The following CDK8 variants were observed in gnomAD, a reference collection of about 807,000 sequenced individuals.
CDK8 encodes the protein cyclin-dependent kinase 8.
A neutral mutation model predicts 71.5 loss-of-function variants in CDK8; 29 were observed. The ratio of observed to expected loss-of-function variants is 0.41; its 90% CI spans 0.30 to 0.55. The LOEUF is 0.55. CDK8 is among the 20% of genes least tolerant of loss of function. The pLI is 0.37. For missense variants in CDK8, 288 were observed against 572.6 expected, an observed-to-expected ratio of 0.50 and a Z score of 5.07; for synonymous variants, 161 against 192.1, an observed-to-expected ratio of 0.84 and a Z score of 1.34.
intron 1 of CDK8, among the ~76,000 whole-genome samples, chr13:26,259,057 C>G (rs1271446174): frequency 6.6e-6 from 1 of 152,182 alleles, no homozygotes. Context: ...CATCCCATTA[C>G]CTTTTTCCCC....
At chr13:26,306,525 T>C (rs1874047132) in intron 1 of CDK8, among the ~76,000 whole-genome samples, 1 of 151,880 alleles carries the variant, frequency 6.6e-6, no homozygotes, top group African/African-American at 2.4e-5. Flanking sequence ...TTAAAAGAAA[T>C]GTTTTGTAAA....
chr13:26,395,660 A>T (rs909786355), intron 7 of CDK8, among the ~76,000 whole-genome samples: 1 of 152,176 alleles, frequency 6.6e-6, no homozygotes, highest in Admixed American at 6.5e-5. Flanking sequence ...TTTTGTACTT[A>T]ACGTATTTAG....
intron 1 of CDK8, among the ~76,000 whole-genome samples, chr13:26,319,401 G>C (rs779978974): frequency 6.6e-6 from 1 of 151,628 alleles, no homozygotes; most frequent in African/African-American, 2.4e-5. Flanking sequence ...CTCGGGAGGC[G>C]GAGGTTGCAG....
At chr13:26,352,481 T>C (rs1024406579) in intron 3 of CDK8, among the ~76,000 whole-genome samples, 1 of 152,068 alleles carries the variant, frequency 6.6e-6, no homozygotes, top group Non-Finnish European at 1.5e-5. Context: ...CTCCCAAAGT[T>C]CTGGGATTAC....
intron 6 of CDK8, among the ~76,000 whole-genome samples, chr13:26,389,340 A>T (rs1016450409): frequency 6.6e-6 from 1 of 151,870 alleles, no homozygotes. Flanking sequence ...TTTTATTTTT[A>T]GTAGAGACAG....
In CDK8 at chr13:26,397,648, A is replaced by G. The variant is rs1490626873; in HGVS notation, c.933+423A>G. On this transcript the variant is annotated intron_variant, in intron 9 of 12. Transcript: ENST00000381527. Reference sequence around the variant, plus strand: ...GTTCTTAATTTCCAAAATACCTCTTATAACCTTAAATGTTAACAGTCATTC... The same window carrying G: ...GTTCTTAATTTCCAAAATACCTCTTGTAACCTTAAATGTTAACAGTCATTC... Among the ~76,000 whole-genome samples, 7 of 152,148 alleles carry G rather than the reference A, an allele frequency of 4.6e-5. No homozygotes were observed. The East Asian group carries it at 9.6e-4, about 21-fold the overall frequency.
At chr13:26,265,975 G>A (rs912001982) in intron 1 of CDK8, among the ~76,000 whole-genome samples, 11 of 152,164 alleles carry the variant, frequency 7.2e-5, no homozygotes, top group Admixed American at 2.0e-4. Flanking sequence ...AGAGATGCTA[G>A]TGACTTGAAT....
At chr13:26,393,796 C>T (rs566909499) in intron 7 of CDK8, among the ~76,000 whole-genome samples, 13 of 152,102 alleles carry the variant, frequency 8.5e-5, no homozygotes, top group African/African-American at 2.9e-4. Context: ...AAAATATGTT[C>T]AATATCTGTA....
intron 9 of CDK8, 80 bp downstream of exon 9, chr13:26,397,305 T>C: frequency 1.2e-6 from 1 of 826,960 alleles, no homozygotes. Flanking sequence ...TTGGATCAAT[T>C]TATGTGGTTA....
intron 4 of CDK8, among the ~76,000 whole-genome samples, chr13:26,373,715 A>G (rs1203948485): frequency 6.6e-6 from 1 of 152,218 alleles, no homozygotes; most frequent in African/African-American, 2.4e-5. Flanking sequence ...GAAATAAAAT[A>G]CAGTGTAAAT....
intron 1 of CDK8, among the ~76,000 whole-genome samples, chr13:26,309,101 C>CG (rs1160879606): frequency 3.3e-5 from 5 of 151,898 alleles, no homozygotes; most frequent in African/African-American, 1.2e-4. Context: ...CACCTCCTGT[C>CG]ATTATCATCA....
chr13:26,359,724 C>CT (rs751686798), intron 4 of CDK8: 86 of 433,628 alleles, frequency 2.0e-4, no homozygotes, highest in East Asian at 1.3e-3. Flanking sequence ...TTCTTCTTTT[C>CT]TTTTTTTTGA....
At position 26,396,266 on chromosome 13, in the gene CDK8, T is replaced by C. The variant is rs749491652; in HGVS notation, c.791-19T>C. 1.1e-5 allele frequency: 12 copies of C among 1,095,146 alleles called. No homozygotes were observed. In the East Asian group the frequency reaches 3.2e-4, roughly 29 times the overall value. 67.8% of individuals were successfully genotyped at this position (1,095,146 alleles called of 1,614,324 possible). On this transcript the variant is annotated intron_variant, in intron 7 of 12. Coordinates refer to ENST00000381527, the MANE Select transcript of CDK8 (RefSeq NM_001260.3). Reference sequence around the variant, plus strand: ...ATAGGAACTTAGGCAACATAAAAATTTATCAATGTATTTCACAGATAAAGA... The same window carrying C: ...ATAGGAACTTAGGCAACATAAAAATCTATCAATGTATTTCACAGATAAAGA...
At chr13:26,386,251 A>G (rs180953259) in intron 6 of CDK8, among the ~76,000 whole-genome samples, 187 of 152,318 alleles carry the variant, frequency 1.2e-3, no homozygotes, top group African/African-American at 4.1e-3. Context: ...GTTTATACTT[A>G]AGTTGTGCAT....
At chr13:26,350,152 GAC>G (rs1487903801) in intron 3 of CDK8, among the ~76,000 whole-genome samples, 1 of 152,092 alleles carries the variant, frequency 6.6e-6, no homozygotes, top group African/African-American at 2.4e-5. Context: ...ATTGCCTAAC[GAC>G]ACATTTTTCA....
chr13:26,303,556 C>T (rs997796051), intron 1 of CDK8, among the ~76,000 whole-genome samples: 2 of 152,096 alleles, frequency 1.3e-5, no homozygotes, highest in Admixed American at 6.6e-5. Flanking sequence ...AGCCACCACG[C>T]CTGGCCTAGA....
At chr13:26,310,841 C>T (rs1033437123) in intron 1 of CDK8, among the ~76,000 whole-genome samples, 1 of 152,110 alleles carries the variant, frequency 6.6e-6, no homozygotes, top group South Asian at 2.1e-4. Context: ...GTGGTCTTCT[C>T]AAAGTTACTT....
chr13:26,403,625 CATT>C (rs1437133415), intron 12 of CDK8, among the ~76,000 whole-genome samples: 2 of 152,026 alleles, frequency 1.3e-5, no homozygotes, highest in African/African-American at 4.8e-5. Flanking sequence ...ATGTATACAT[CATT>C]AAGTTTCTGG....
intron 1 of CDK8, among the ~76,000 whole-genome samples, chr13:26,272,773 A>G (rs984588220): frequency 1.3e-5 from 2 of 152,218 alleles, no homozygotes; most frequent in Non-Finnish European, 2.9e-5. Flanking sequence ...CGTGCCTGTA[A>G]TGCTTTGCAC....
Sources: allele counts gnomAD v4.1 joint callset (sites outside exome capture counted in the v4.1 genomes callset), GRCh38; gene constraint gnomAD v4.1.1; transcripts MANE v1.5; gene names NCBI Gene and HGNC (gene_info 2026-07-23, HGNC 2026-07-21).